The following UGT1A5 variants were observed in gnomAD, a reference collection of about 807,000 sequenced individuals.
UGT1A5 encodes the protein UDP-glucuronosyltransferase 1A5.
In UGT1A5, 29 loss-of-function variants were observed where a neutral mutation model predicts 40.3. That is an observed-to-expected ratio of 0.72 (90% CI 0.54 to 0.98). UGT1A5 has a LOEUF of 0.98. UGT1A5 is among the 50% of genes least tolerant of loss of function. The pLI is 0.00. For synonymous variants in UGT1A5, 257 were observed against 262.5 expected (o/e 0.98, Z 0.20); for missense variants, 678 against 677.9 (o/e 1.00, Z 0.00).
At chr2:233,761,270 C>G (rs990068200) in intron 1 of UGT1A5, 25 of 1,591,850 alleles carry the variant, frequency 1.6e-5, no homozygotes, top group Non-Finnish European at 2.1e-5. Flanking sequence ...AAAATGCCCT[C>G]TTTTGTTAAT....
chr2:233,764,152 G>C (rs1467176799), intron 1 of UGT1A5, among the ~76,000 whole-genome samples: 3 of 152,176 alleles, frequency 2.0e-5, no homozygotes, highest in Non-Finnish European at 2.9e-5. Flanking sequence ...ATTTTGGCTG[G>C]TGAAGTCTCA....
intron 1 of UGT1A5, among the ~76,000 whole-genome samples, chr2:233,724,345 CCCCACCT>C (rs1279096074): frequency 6.8e-6 from 1 of 147,952 alleles, no homozygotes; most frequent in African/African-American, 2.5e-5. Context: ...GGCTGACCCC[CCCCACCT>C]CCCTCCCGGA....
chr2:233,754,057 T>C (rs1403033410), intron 1 of UGT1A5, among the ~76,000 whole-genome samples: 1 of 152,246 alleles, frequency 6.6e-6, no homozygotes, highest in Admixed American at 6.5e-5. Flanking sequence ...TTACCTGCTT[T>C]TATAAAGCCT....
At chr2:233,765,308 T>A (rs746475199) in intron 1 of UGT1A5, among the ~76,000 whole-genome samples, 3 of 152,234 alleles carry the variant, frequency 2.0e-5, no homozygotes, top group Non-Finnish European at 4.4e-5. Flanking sequence ...CATGCACATA[T>A]TTGTTTATTG....
At position 233,760,496 on chromosome 2, in the gene UGT1A5, A is replaced by G. The variant is rs766949747; in HGVS notation, c.868-6538A>G. ...CCTGACGCCTCGTTGTACATCAGAG[A>G]CGGAGCATTTTACACCTTGAAGACG... On this transcript the variant is annotated intron_variant, in intron 1 of 4. Transcript: ENST00000373414. 4 of 1,614,258 alleles carry G rather than the reference A, an allele frequency of 2.5e-6. No homozygotes were observed. The South Asian group carries it at 4.4e-5, about 18-fold the overall frequency.
At chr2:233,718,197 C>CT (rs1159094218) in intron 1 of UGT1A5, among the ~76,000 whole-genome samples, 6 of 152,152 alleles carry the variant, frequency 3.9e-5, no homozygotes, top group East Asian at 1.9e-4. Flanking sequence ...CTCCCCGGAG[C>CT]TTTTTTTTAT....
intron 1 of UGT1A5, among the ~76,000 whole-genome samples, chr2:233,716,226 A>G (rs1309299393): frequency 1.3e-5 from 2 of 152,106 alleles, no homozygotes; most frequent in African/African-American, 4.8e-5. Context: ...AGCCCTTGTG[A>G]TTACATTGTC....
chr2:233,720,871 A>ATT (rs60621337), intron 1 of UGT1A5, among the ~76,000 whole-genome samples: 47,878 of 132,580 alleles, frequency 0.36, 9,921 homozygotes, highest in African/African-American at 0.57. Context: ...GCTCCTGGCA[A>ATT]TTTTTTTTTT....
Position 233,767,867 on chromosome 2 carries a change from G to A in UGT1A5, c.1018G>A (p.Gly340Arg). ...CTCCCAGGTCCTGTGGCGGTACACTGGAACCCGACCATCGAATCTTGCGAA... is the reference window on the plus strand; with the variant it reads ...CTCCCAGGTCCTGTGGCGGTACACTAGAACCCGACCATCGAATCTTGCGAA... ...IPQTVLWRYT[G>R]TRPSNLANNT... Residue 340 changes from glycine to arginine, a missense_variant, in exon 3 of 5, where the codon GGA (glycine) becomes AGA (arginine). Coordinates refer to ENST00000373414, the MANE Select transcript of UGT1A5 (RefSeq NM_019078.2). The A allele has an allele frequency of 1.2e-6, 2 of 1,614,118 alleles. No individual in the cohort carries two copies. Among genetic ancestry groups the A allele is most frequent in the Non-Finnish European group, 1.7e-6 (2 of 1,180,024 alleles).
chr2:233,744,908 A>T (rs1314296999), intron 1 of UGT1A5, among the ~76,000 whole-genome samples: 1 of 151,834 alleles, frequency 6.6e-6, no homozygotes, highest in African/African-American at 2.4e-5. Flanking sequence ...CAAAATCTAG[A>T]TGCTCAAGCT....
rs4124874 is a variant in UGT1A5, at chr2:233,757,013, T to G, written c.868-10021T>G. On this transcript the variant is annotated intron_variant, in intron 1 of 4. Coordinates refer to ENST00000373414, the MANE Select transcript of UGT1A5 (RefSeq NM_019078.2). ...AAGCTGGCCAAGGGTAGAGTTCAGT[T>G]TGAACAAAGCAATTTGAGAACATCA... Among the ~76,000 whole-genome samples the G allele has an allele frequency of 0.56, 83,838 of 151,034 alleles. 25,476 individuals are homozygous for G. The highest frequency in any genetic ancestry group is 0.82 in the African/African-American group (33,726 of 41,116).
chr2:233,759,397 G>A (rs1263018819), intron 1 of UGT1A5, among the ~76,000 whole-genome samples: 10 of 152,128 alleles, frequency 6.6e-5, no homozygotes, highest in East Asian at 5.8e-4. Context: ...CAGAGTAACC[G>A]TGTGACCTGT....
chr2:233,752,825 T>C (rs1254190294), intron 1 of UGT1A5, among the ~76,000 whole-genome samples: 1 of 152,218 alleles, frequency 6.6e-6, no homozygotes, highest in African/African-American at 2.4e-5. Context: ...ATTTATGACA[T>C]CAGTAATCTA....
At chr2:233,718,857 G>A (rs1210101221) in intron 1 of UGT1A5, 8 of 1,613,658 alleles carry the variant, frequency 5.0e-6, no homozygotes, top group Non-Finnish European at 6.8e-6. Flanking sequence ...GCCGCGGCTG[G>A]CCACAGGACT....
rs1262132657 is a variant in UGT1A5 at position 233,717,698 on chromosome 2, A to G, written c.867+3840A>G. 9.0e-6 allele frequency: 4 copies of G among 446,168 alleles called. No homozygotes were observed. In the Admixed American group the frequency reaches 9.5e-5, roughly 11 times the overall value. The allele number at this position is 446,168 out of a possible 1,614,324, so 27.6% of individuals were successfully genotyped here. A position where few individuals can be genotyped will look rare whatever the true frequency, so the allele number is the denominator to read the frequency against. On this transcript the variant is annotated intron_variant, in intron 1 of 4. Transcript: ENST00000373414. Reference sequence around the variant, plus strand: ...AGCACATGTAGGAGTGACTTTCTGGAGCAGGACGAGCCTCATGGGCATGAG... The same window carrying G: ...AGCACATGTAGGAGTGACTTTCTGGGGCAGGACGAGCCTCATGGGCATGAG...
chr2:233,731,166 G>T (rs1000792478), intron 1 of UGT1A5, among the ~76,000 whole-genome samples: 13 of 151,756 alleles, frequency 8.6e-5, no homozygotes, highest in Admixed American at 3.3e-4. Flanking sequence ...CAAACGACAT[G>T]ATTTTTTTAT....
intron 1 of UGT1A5, among the ~76,000 whole-genome samples, chr2:233,738,716 A>T (rs1342041986): frequency 6.6e-6 from 1 of 152,244 alleles, no homozygotes; most frequent in Non-Finnish European, 1.5e-5. Flanking sequence ...AGAGCATAAA[A>T]GTTTGGAAAA....
At chr2:233,738,769 T>C (rs1352838892) in intron 1 of UGT1A5, among the ~76,000 whole-genome samples, 4 of 152,188 alleles carry the variant, frequency 2.6e-5, no homozygotes, top group Non-Finnish European at 5.9e-5. Context: ...ACCCATTTTA[T>C]GGGGAGAAAT....
At chr2:233,734,752 T>C (rs1438884438) in intron 1 of UGT1A5, among the ~76,000 whole-genome samples, 1 of 152,248 alleles carries the variant, frequency 6.6e-6, no homozygotes, top group African/African-American at 2.4e-5. Context: ...TCTTTATTTC[T>C]GCCTTCACTT....
Sources: allele counts gnomAD v4.1 joint callset (sites outside exome capture counted in the v4.1 genomes callset), GRCh38; gene constraint gnomAD v4.1.1; transcripts MANE v1.5; gene names NCBI Gene and HGNC (gene_info 2026-07-23, HGNC 2026-07-21).